The following POU2F3 variants were observed in gnomAD, a reference collection of about 807,000 sequenced individuals.
POU2F3 encodes POU class 2 homeobox 3, also known as POU domain, class 2, transcription factor 3.
In POU2F3, 23 loss-of-function variants were observed where a neutral mutation model predicts 59.2. The observed-to-expected ratio is 0.39, with a 90% CI of 0.28 to 0.55. POU2F3 has a LOEUF of 0.55. Ranked by LOEUF, POU2F3 falls within the 20% of genes least tolerant of loss-of-function variation. The probability of loss-of-function intolerance (pLI) is 0.66; values close to 1 mark genes in which losing one functional copy is unlikely to be tolerated. For synonymous variants in POU2F3, 190 were observed against 214.6 expected (o/e 0.89, Z 1.00); for missense variants, 473 against 544.5 (o/e 0.87, Z 1.31).
chr11:120,295,819 A>G (rs1475849281), intron 3 of POU2F3, among the ~76,000 whole-genome samples: 1 of 152,142 alleles, frequency 6.6e-6, no homozygotes, highest in Admixed American at 6.5e-5. Context: ...CTCTACCCCC[A>G]CAGTGCTATT....
At chr11:120,240,509 C>A in intron 1 of POU2F3, 138 bp downstream of exon 1, 1 of 976,500 alleles carries the variant, frequency 1.0e-6, no homozygotes, top group Non-Finnish European at 1.3e-6. Flanking sequence ...GCGGGTTGTC[C>A]TGGGGTGGGT....
intron 2 of POU2F3, among the ~76,000 whole-genome samples, chr11:120,262,971 ATTT>A (rs1229829045): frequency 9.7e-6 from 1 of 102,806 alleles, no homozygotes; most frequent in African/African-American, 5.7e-5. Flanking sequence ...TAATTTATTT[ATTT>A]ATTTATTTAT....
At chr11:120,288,144 A>C (rs1209038423) in intron 3 of POU2F3, among the ~76,000 whole-genome samples, 2 of 149,502 alleles carry the variant, frequency 1.3e-5, no homozygotes, top group East Asian at 1.9e-4. Context: ...AAAAAAAAAA[A>C]AAAACAAGAA....
At position 120,290,828 on chromosome 11, in the gene POU2F3, G is replaced by A. The variant is rs147751601; in HGVS notation, c.133-7437G>A. On this transcript the variant is annotated intron_variant, in intron 3 of 12. Transcript: ENST00000543440. ...TGTATATGTGTGTGTGTATGGGCAC[G>A]CGCGTGCACGCGTGTGTACGTTCAG... is the stretch of plus-strand genomic sequence containing the variant. Among the ~76,000 whole-genome samples, 703 of 152,292 alleles carry A rather than the reference G, an allele frequency of 4.6e-3. 3 individuals carry two copies. The highest frequency in any genetic ancestry group is 0.016 in the African/African-American group (655 of 41,550).
At chr11:120,305,559 A>G in intron 7 of POU2F3, 85 bp from the exon 8 acceptor site, 1 of 1,540,494 alleles carries the variant, frequency 6.5e-7, no homozygotes, top group South Asian at 1.2e-5. Flanking sequence ...TGGCTGTGTG[A>G]TCGATGCTAG....
chr11:120,249,185 A>G (rs563052583), intron 2 of POU2F3, among the ~76,000 whole-genome samples: 88 of 152,310 alleles, frequency 5.8e-4, no homozygotes, highest in African/African-American at 2.1e-3. Flanking sequence ...CGAGGCATAG[A>G]TGAAGAATAA....
chr11:120,240,999 C>T (rs555511457), intron 1 of POU2F3, among the ~76,000 whole-genome samples: 3 of 152,086 alleles, frequency 2.0e-5, no homozygotes, highest in African/African-American at 4.8e-5. Flanking sequence ...AATGCTTTGC[C>T]GGGAGTCAGG....
At chr11:120,236,721 C>T (rs576972701), upstream of POU2F3, 12 of 1,476,310 alleles carry the variant, frequency 8.1e-6, no homozygotes, top group East Asian at 1.2e-4. Context: ...AAGGAGTTCT[C>T]TACGTTCCCA....
At position 120,285,454 on chromosome 11, in the gene POU2F3, C is replaced by T. The variant is rs753641440; in HGVS notation, c.133-12811C>T. The stretch of plus-strand genomic sequence containing the variant: ...TCAATATTTGAGAAGAGTCATCACC[C>T]TGAAATCATCCCTTTTCTGTGTAAA... On this transcript the variant is annotated intron_variant, in intron 3 of 12. Transcript: ENST00000543440. This position sits in a 1 kb window ranked among gnomAD's most constrained non-coding sequence, Gnocchi z 4.3. Among the ~76,000 whole-genome samples, 24 of 152,336 alleles carry T rather than the reference C, an allele frequency of 1.6e-4. No individual in the cohort carries two copies. Among genetic ancestry groups the T allele is most frequent in the Middle Eastern group, 3.4e-3 (1 of 294 alleles).
intron 2 of POU2F3, chr11:120,261,159 T>G (rs1939580295): frequency 1.1e-5 from 1 of 94,240 alleles, no homozygotes. Flanking sequence ...TTTTTGTTGT[T>G]TTGTGTGTGT....
rs1941871644 is a variant in POU2F3, at chr11:120,319,600, T to C, written c.*1208T>C. The C allele has an allele frequency of 6.6e-6, 1 of 151,836 alleles. No individual in the cohort carries two copies. Among genetic ancestry groups the C allele is most frequent in the Non-Finnish European group, 1.5e-5 (1 of 67,894 alleles). 9.4% of individuals were successfully genotyped at this position (151,836 alleles called of 1,614,324 possible). On this transcript the variant is annotated 3_prime_UTR_variant, in exon 13 of 13. Transcript: ENST00000543440. ...GATTACAGGCGCCCACCACCAAAAA[T>C]TAGCCCAGCTAATTTTTGTATTTTT...
intron 3 of POU2F3, among the ~76,000 whole-genome samples, chr11:120,276,438 G>A (rs569061073): frequency 3.9e-5 from 6 of 152,204 alleles, no homozygotes; most frequent in African/African-American, 9.6e-5. Flanking sequence ...GGGAGGCTCC[G>A]AGACCTCTTT....
At position 120,305,634 on chromosome 11, in the gene POU2F3, C is replaced by T; in HGVS notation, c.628-10C>T. The T allele has an allele frequency of 6.2e-7, 1 of 1,613,420 alleles. No homozygotes were observed. Among genetic ancestry groups the T allele is most frequent in the South Asian group, 1.1e-5 (1 of 91,030 alleles). ...CTCTCATGTTCCTCCCCCTCGGTCC[C>T]CACGCTTAGGGAGATGTGGGGCTGG... On this transcript the variant is annotated splice_polypyrimidine_tract_variant and intron_variant, in intron 7 of 12. Coordinates refer to ENST00000543440, the MANE Select transcript of POU2F3 (RefSeq NM_014352.4).
At chr11:120,297,824 G>A (rs1243840060) in intron 3 of POU2F3, among the ~76,000 whole-genome samples, 2 of 152,030 alleles carry the variant, frequency 1.3e-5, no homozygotes, top group Non-Finnish European at 2.9e-5. Flanking sequence ...AGGCTGGAGT[G>A]CAGTGGCGTG....
chr11:120,239,294 G>GAAGAGA (rs1188416736), upstream of POU2F3, among the ~76,000 whole-genome samples: 1 of 152,214 alleles, frequency 6.6e-6, no homozygotes, highest in Non-Finnish European at 1.5e-5. Context: ...TTGAAGAGAC[G>GAAGAGA]AAGAGAAAGG....
At position 120,309,422 on chromosome 11, in the gene POU2F3, T is replaced by C. The variant is rs746528422; in HGVS notation, c.907-3T>C. 6.2e-6 allele frequency: 10 copies of C among 1,612,372 alleles called. No homozygotes were observed. The South Asian group carries it at 8.8e-5, about 14-fold the overall frequency. ...CCATACTCTGTCCTTTCGGTGCCTA[T>C]AGAACCCAAAACCCAGCTCGGAGGA... On this transcript the variant is annotated splice_polypyrimidine_tract_variant and splice_region_variant and intron_variant, in intron 9 of 12. Transcript: ENST00000543440.
intron 3 of POU2F3, among the ~76,000 whole-genome samples, chr11:120,277,968 G>A (rs1418349108): frequency 6.6e-6 from 1 of 152,164 alleles, no homozygotes; most frequent in Non-Finnish European, 1.5e-5. Context: ...CACAAGTACA[G>A]GCTGATATTG....
chr11:120,317,859 G>T (rs564504621), intron 12 of POU2F3, among the ~76,000 whole-genome samples: 4 of 152,300 alleles, frequency 2.6e-5, no homozygotes, highest in Admixed American at 1.3e-4. Context: ...ATGAAGCAAA[G>T]AATCTACTCT....
chr11:120,289,552 C>T (rs920580960), intron 3 of POU2F3, among the ~76,000 whole-genome samples: 4 of 152,164 alleles, frequency 2.6e-5, no homozygotes, highest in African/African-American at 9.7e-5. Flanking sequence ...CCTGCTCACC[C>T]GCCTGTCCTC....
Sources: gnomAD v4.1 joint callset for allele counts (sites outside exome capture counted in the v4.1 genomes callset) on GRCh38, gnomAD v4.1.1 for gene constraint, Gnocchi (gnomAD v3.1) non-coding constraint, MANE v1.5 for transcripts, NCBI Gene and HGNC (gene_info 2026-07-23, HGNC 2026-07-21) for gene names.